Variants in TASOR2 observed in about 807,000 individuals in gnomAD.
TASOR2 encodes the protein transcription activation suppressor family member 2.
A neutral mutation model predicts 199.5 loss-of-function variants in TASOR2; 84 were observed. The ratio of observed to expected loss-of-function variants is 0.42; its 90% confidence interval spans 0.35 to 0.50. TASOR2 has a LOEUF of 0.50. Among genes scored for constraint, TASOR2 ranks in the 20% least tolerant of loss-of-function variants. The pLI is 0.02. For missense variants in TASOR2, 2,796 were observed against 2,835.9 expected (o/e 0.99, Z 0.32); for synonymous variants, 1,103 against 1,046.6 (o/e 1.05, Z -1.04).
intron 1 of TASOR2, among the ~76,000 whole-genome samples, chr10:5,688,380 C>G (rs1046605839): frequency 1.3e-5 from 2 of 148,388 alleles, no homozygotes; most frequent in African/African-American, 5.0e-5. Flanking sequence ...CACCACCAGG[C>G]CCAGCTAATT....
In TASOR2 at chr10:5,687,506, A is replaced by G. The variant is rs1288445400; in HGVS notation, c.-288+2331A>G. Among the ~76,000 whole-genome samples the G allele has an allele frequency of 1.3e-5, 2 of 152,150 alleles. No homozygotes were observed. Among genetic ancestry groups the G allele is most frequent in the African/African-American group, 4.8e-5 (2 of 41,426 alleles). ...GCAATTTAGAAACTTTATTCCCAGGACCCCTCTACACTTTTTAAGAACCAT... is the reference window on the plus strand; with the variant it reads ...GCAATTTAGAAACTTTATTCCCAGGGCCCCTCTACACTTTTTAAGAACCAT... On this transcript the variant is annotated intron_variant, in intron 1 of 20. Transcript: ENST00000328090. The surrounding 1 kb of genome is among the most constrained non-coding windows in gnomAD (Gnocchi z 4.8).
In TASOR2 at chr10:5,740,037, TGTA is replaced by T. The variant is rs1211068048; in HGVS notation, c.1870_1872del (p.Ser624del). 6.2e-7 allele frequency: 1 copy of T among 1,614,088 alleles called. No homozygotes were observed. The highest frequency in any genetic ancestry group is 1.1e-5 in the South Asian group (1 of 91,088). On this transcript the variant is annotated inframe_deletion, in exon 13 of 21. Coordinates refer to ENST00000328090, the Ensembl canonical transcript of TASOR2. This position sits in a 1 kb window ranked among gnomAD's most constrained non-coding sequence, Gnocchi z 5.3. Reference sequence around the variant, plus strand: ...CCAAGATGAAGAAAGCTTGGTTCCTTGTAGTCAGGCCCCTGCTAAAGCCCAGTC... The same window carrying T: ...CCAAGATGAAGAAAGCTTGGTTCCTTGTCAGGCCCCTGCTAAAGCCCAGTC...
exon 21 of TASOR2, chr10:5,763,134 C>T (rs1840146232): frequency 8.0e-6 from 9 of 1,124,856 alleles, no homozygotes; most frequent in African/African-American, 1.6e-5. Context: ...AACAGTCTTA[C>T]ATTTGAAAAA....
In TASOR2 at chr10:5,687,662, A is replaced by C. The variant is rs11593616; in HGVS notation, c.-288+2487A>C. ...TGGTGAAACACCATCTCTACTAAAA[A>C]TACAAAAATTAGCCAGGTGTGGTGG... is the stretch of plus-strand genomic sequence containing the variant. On this transcript the variant is annotated intron_variant, in intron 1 of 20. Transcript: ENST00000328090. The surrounding 1 kb of genome is among the most constrained non-coding windows in gnomAD (Gnocchi z 4.8). Among the ~76,000 whole-genome samples the C allele has an allele frequency of 6.2e-3, 941 of 152,336 alleles. 16 individuals are homozygous for C. The highest frequency in any genetic ancestry group is 0.045 in the South Asian group (217 of 4,832).
At chr10:5,686,752 T>G (rs776551844) in intron 1 of TASOR2, among the ~76,000 whole-genome samples, 27 of 152,234 alleles carry the variant, frequency 1.8e-4, no homozygotes, top group Non-Finnish European at 3.2e-4. Flanking sequence ...TCTTCCTTGG[T>G]GAATACAAAA....
chr10:5,763,720 A>T (rs1840216470), exon 21 of TASOR2: 1 of 152,232 alleles, frequency 6.6e-6, no homozygotes, highest in Non-Finnish European at 1.5e-5. Flanking sequence ...TCATTTTTTA[A>T]ATAAAGACAA....
chr10:5,758,791 T>G lies in TASOR2; in HGVS notation c.6887-96T>G, dbSNP rs1839351867. The G allele has an allele frequency of 4.5e-6, 4 of 889,738 alleles. No individual in the cohort carries two copies. The African/African-American group carries it at 5.0e-5, about 11-fold the overall frequency. The allele number at this position is 889,738 out of a possible 1,614,324, so 55.1% of individuals were successfully genotyped here. A position where few individuals can be genotyped will look rare whatever the true frequency, so the allele number is the denominator to read the frequency against. On this transcript the variant is annotated intron_variant, in intron 17 of 20. Coordinates refer to ENST00000328090, the Ensembl canonical transcript of TASOR2. ...ACTCAACCATGGGTCTTAGTCTGTT[T>G]TTTTCTTGTTTTACAAATAATTATC...
intron 19 of TASOR2, 135 bp downstream of exon 20, chr10:5,761,606 C>G (rs1007051086): frequency 1.3e-5 from 9 of 706,560 alleles, no homozygotes; most frequent in African/African-American, 1.2e-4. Flanking sequence ...TCACCCAAAT[C>G]TGCTGAAGCT....
chr10:5,691,841 A>C (rs950521949), intron 1 of TASOR2, among the ~76,000 whole-genome samples: 3 of 152,320 alleles, frequency 2.0e-5, no homozygotes, highest in African/African-American at 7.2e-5. Context: ...TCCCTACCCC[A>C]GGCATTGGTA....
chr10:5,716,312 GAA>G (rs1489041008), intron 2 of TASOR2, among the ~76,000 whole-genome samples: 1 of 152,030 alleles, frequency 6.6e-6, no homozygotes, highest in African/African-American at 2.4e-5. Context: ...GGGCTATTAT[GAA>G]TAATGGTCCT....
chr10:5,717,793 T>C (rs1832838419), intron 3 of TASOR2, 43 bp downstream of exon 4: 4 of 718,984 alleles, frequency 5.6e-6, no homozygotes, highest in African/African-American at 5.5e-5. Flanking sequence ...TTTTAAAGTT[T>C]AAGGTTATCT....
At position 5,706,847 on chromosome 10, in the gene TASOR2, A is replaced by T. The variant is rs1444762242; in HGVS notation, c.-287-5976A>T. ...GTGAAATCCCATCTCTACTAAAAAT[A>T]CAAAAATTAGCCGGGCATGTTGCTG... On this transcript the variant is annotated intron_variant, in intron 1 of 20. Transcript: ENST00000328090. This position sits in a 1 kb window ranked among gnomAD's most constrained non-coding sequence, Gnocchi z 4.8. Among the ~76,000 whole-genome samples, 1 of 152,092 alleles carries T rather than the reference A, an allele frequency of 6.6e-6. No homozygotes were observed. The highest frequency in any genetic ancestry group is 1.5e-5 in the Non-Finnish European group (1 of 68,018).
Position 5,740,357 on chromosome 10 carries a change from ATCT to A in TASOR2, c.2192_2194del (p.Ser731del), listed in dbSNP as rs760727818. On this transcript the variant is annotated inframe_deletion, in exon 13 of 21. Coordinates refer to ENST00000328090, the Ensembl canonical transcript of TASOR2. This position sits in a 1 kb window ranked among gnomAD's most constrained non-coding sequence, Gnocchi z 5.3. Reference sequence around the variant, plus strand: ...GACCACCGTCTGCCCGTGTGAAAAAATCTTCTTGCTCTCGTATAGTGCTTAGCT... The same window carrying A: ...GACCACCGTCTGCCCGTGTGAAAAAATCTTGCTCTCGTATAGTGCTTAGCT... 84 of 1,614,070 alleles carry A rather than the reference ATCT, an allele frequency of 5.2e-5. No individual in the cohort carries two copies. Among genetic ancestry groups the A allele is most frequent in the Non-Finnish European group, 6.9e-5 (81 of 1,180,042 alleles).
At chr10:5,728,623 A>C (rs1390730758) in intron 10 of TASOR2, among the ~76,000 whole-genome samples, 2 of 152,170 alleles carry the variant, frequency 1.3e-5, no homozygotes, top group Non-Finnish European at 2.9e-5. Flanking sequence ...AAAATTAAAA[A>C]AAAAAACAAA....
At position 5,738,193 on chromosome 10, in the gene TASOR2, G is replaced by A. The variant is rs1371766714; in HGVS notation, c.1448-1425G>A. On this transcript the variant is annotated intron_variant, in intron 12 of 20. Transcript: ENST00000328090. The surrounding 1 kb of genome is among the most constrained non-coding windows in gnomAD (Gnocchi z 4.7). ...TTTATTCACTGAACTTTTTTTTAAT[G>A]TAGTTCCTTTGGCATTGTCTTATGT... Among the ~76,000 whole-genome samples, 2 of 151,976 alleles carry A rather than the reference G, an allele frequency of 1.3e-5. No individual in the cohort carries two copies. The highest frequency in any genetic ancestry group is 4.8e-5 in the African/African-American group (2 of 41,386).
rs1835978161 is a variant in TASOR2, at chr10:5,687,986, T to C, written c.-288+2811T>C. 6.6e-6 allele frequency among the ~76,000 whole-genome samples: 1 copy of C among 152,216 alleles called. No individual in the cohort carries two copies. Among genetic ancestry groups the C allele is most frequent in the Admixed American group, 6.5e-5 (1 of 15,280 alleles). ...ACATATTTTATCTCCCCAAAATTAG[T>C]GACAAGAATGGGATTTTTGTACATT... is the stretch of plus-strand genomic sequence containing the variant. On this transcript the variant is annotated intron_variant, in intron 1 of 20. Transcript: ENST00000328090. This position sits in a 1 kb window ranked among gnomAD's most constrained non-coding sequence, Gnocchi z 4.8.
chr10:5,740,453 T>G lies in TASOR2; in HGVS notation c.2283T>G (p.Tyr761Ter). 1 of 1,613,822 alleles carries G rather than the reference T, an allele frequency of 6.2e-7. No individual in the cohort carries two copies. The highest frequency in any genetic ancestry group is 8.5e-7 in the Non-Finnish European group (1 of 1,180,038). Residue 761 changes from tyrosine to a stop codon, truncating the protein, a stop_gained, in exon 13 of 21, where the codon TAT becomes TAG. Coordinates refer to ENST00000328090, the Ensembl canonical transcript of TASOR2. LOFTEE classifies it high-confidence loss of function. The surrounding 1 kb of genome is among the most constrained non-coding windows in gnomAD (Gnocchi z 5.3). ...ATGCATTCAGTTTAGACAGCAAATATACCAACAACCCACTGGAGAAAACTG... is the reference window on the plus strand; with the variant it reads ...ATGCATTCAGTTTAGACAGCAAATAGACCAACAACCCACTGGAGAAAACTG...
intron 14 of TASOR2, among the ~76,000 whole-genome samples, chr10:5,744,671 C>A (rs4423100): frequency 9.9e-5 from 15 of 152,126 alleles, no homozygotes; most frequent in South Asian, 2.1e-4. Flanking sequence ...ACTGCTCCAG[C>A]CAGAAATGAG....
chr10:5,693,693 C>CT (rs949988304), intron 1 of TASOR2, among the ~76,000 whole-genome samples: 2 of 152,206 alleles, frequency 1.3e-5, no homozygotes, highest in African/African-American at 2.4e-5. Context: ...TACAGGAGAT[C>CT]TTTTTTCCAA....
Sources: gnomAD v4.1 joint callset for allele counts (sites outside exome capture counted in the v4.1 genomes callset) on GRCh38, gnomAD v4.1.1 for gene constraint, Gnocchi (gnomAD v3.1) non-coding constraint, MANE v1.5 for transcripts, NCBI Gene and HGNC (gene_info 2026-07-23, HGNC 2026-07-21) for gene names.